HEATR5A: variants seen among roughly 807,000 people sequenced by gnomAD.
The protein encoded by HEATR5A is HEAT repeat-containing protein 5A.
Under a neutral mutation model 218.8 loss-of-function variants are expected in HEATR5A, and 178 were observed. That is an observed-to-expected ratio of 0.81 (90% CI 0.72 to 0.92). The LOEUF (loss-of-function observed/expected upper bound fraction) is 0.92, where lower values mean the gene tolerates loss of function less well. Ranked by LOEUF, HEATR5A falls within the 40% of genes least tolerant of loss-of-function variation. HEATR5A has a pLI of 0.00. For synonymous variants in HEATR5A, 864 were observed against 871.6 expected (o/e 0.99, Z 0.15); for missense variants, 2,420 against 2,418.9 (o/e 1.00, Z -0.01).
chr14:31,365,365 T>C (rs1312897460), intron 13 of HEATR5A, among the ~76,000 whole-genome samples: 1 of 152,138 alleles, frequency 6.6e-6, no homozygotes, highest in Non-Finnish European at 1.5e-5. Flanking sequence ...TTTTGTTTTG[T>C]TATTTTGCTT....
chr14:31,300,702 C>T (rs1227596978), intron 33 of HEATR5A, among the ~76,000 whole-genome samples: 1 of 152,184 alleles, frequency 6.6e-6, no homozygotes, highest in Non-Finnish European at 1.5e-5. Flanking sequence ...GCTCCTCAGA[C>T]AGATTTACTG....
rs894204076 is a variant in HEATR5A at position 31,326,275 on chromosome 14, C to G, written c.3435G>C (p.Glu1145Asp). The change falls in exon 23 of 36, where the codon GAG becomes GAC. Residue 1145 changes from glutamate (E) to aspartate (D), a missense_variant. Glu to Asp is a conservative substitution (Grantham distance 45). Coordinates refer to ENST00000543095, the MANE Select transcript of HEATR5A (RefSeq NM_015473.4). ...LLILLDKETD[E>D]RLCHDIKETL... ...TCTCTTTGATATCATGGCATAATCTCTCATCTGTCTCCTTGTCTAGTAAGA... is the reference window on the plus strand; with the variant it reads ...TCTCTTTGATATCATGGCATAATCTGTCATCTGTCTCCTTGTCTAGTAAGA... The G allele has an allele frequency of 6.2e-7, 1 of 1,613,248 alleles. No homozygotes were observed. The highest frequency in any genetic ancestry group is 1.1e-5 in the South Asian group (1 of 91,056).
chr14:31,293,692 C>A, intron 35 of HEATR5A, 80 bp from the exon 36 acceptor site: 1 of 1,298,896 alleles, frequency 7.7e-7, no homozygotes, highest in South Asian at 1.5e-5. Flanking sequence ...GATCTGTATA[C>A]ATTTTTCCCC....
Position 31,343,973 on chromosome 14 carries a change from C to T in HEATR5A, c.3151G>A (p.Ala1051Thr), listed in dbSNP as rs773293828. 17 of 1,611,518 alleles carry T rather than the reference C, an allele frequency of 1.1e-5. No homozygotes were observed. The highest frequency in any genetic ancestry group is 1.7e-5 in the Admixed American group (1 of 59,442). Reference protein sequence around the residue: ...DNPDCLVQAQAISCLQQLHMF... With the variant: ...DNPDCLVQAQTISCLQQLHMF... ...TGAAGCTGCTGAAGGCAAGAGATGGCCTGAGCTTGAACAAGGCAGTCTGGG... is the reference window on the plus strand; with the variant it reads ...TGAAGCTGCTGAAGGCAAGAGATGGTCTGAGCTTGAACAAGGCAGTCTGGG... Residue 1051 changes from alanine to threonine, a missense_variant, in exon 21 of 36, where the codon GCC becomes ACC. Ala to Thr is a moderately conservative substitution (Grantham distance 58). Coordinates refer to ENST00000543095, the MANE Select transcript of HEATR5A (RefSeq NM_015473.4).
intron 21 of HEATR5A, among the ~76,000 whole-genome samples, chr14:31,341,722 T>G (rs984710995): frequency 3.9e-5 from 6 of 152,252 alleles, no homozygotes; most frequent in South Asian, 2.1e-4. Flanking sequence ...TCATCATGAA[T>G]TAATGGGTTA....
intron 23 of HEATR5A, among the ~76,000 whole-genome samples, chr14:31,324,852 A>G (rs1429866968): frequency 2.0e-5 from 3 of 152,192 alleles, no homozygotes; most frequent in African/African-American, 7.2e-5. Context: ...TGTAAAGCGT[A>G]ATAGTTGAAA....
chr14:31,321,517 C>T lies in HEATR5A; in HGVS notation c.3951G>A (p.Leu1317=), dbSNP rs767774780. 3 of 1,596,816 alleles carry T rather than the reference C, an allele frequency of 1.9e-6. 1 individual carries two copies. The South Asian group carries it at 3.4e-5, about 18-fold the overall frequency. The change falls in exon 25 of 36, where the codon CTG becomes CTA. Residue 1317 remains leucine (L), a synonymous_variant. Coordinates refer to ENST00000543095, the MANE Select transcript of HEATR5A (RefSeq NM_015473.4). The part of the protein sequence containing the change: ...PEPEFPGHVI[L]EQYQANVGAA... ...TGCTTACATTGGCTTGATACTGTTC[C>T]AGAATCACATGACCTGGAAACTCTG...
chr14:31,319,278 G>T (rs1900011823), intron 25 of HEATR5A, among the ~76,000 whole-genome samples: 1 of 151,838 alleles, frequency 6.6e-6, no homozygotes, highest in African/African-American at 2.4e-5. Flanking sequence ...TCAGCCTCCG[G>T]AGTAGCTGGG....
chr14:31,296,799 A>G (rs1374495985), intron 33 of HEATR5A: 1 of 152,244 alleles, frequency 6.6e-6, no homozygotes, highest in African/African-American at 2.4e-5. Flanking sequence ...TCAAATATTT[A>G]AATTGTTTAA....
chr14:31,357,215 G>T (rs1901454957), intron 16 of HEATR5A, among the ~76,000 whole-genome samples: 1 of 152,136 alleles, frequency 6.6e-6, no homozygotes, highest in South Asian at 2.1e-4. Context: ...ACTGAAGCTA[G>T]TAAAAATCAA....
chr14:31,417,329 G>A (rs2031484553), intron 1 of HEATR5A, among the ~76,000 whole-genome samples: 1 of 152,188 alleles, frequency 6.6e-6, no homozygotes, highest in Non-Finnish European at 1.5e-5. Context: ...GGAGGCCGAG[G>A]TACGCGGATC....
intron 11 of HEATR5A, among the ~76,000 whole-genome samples, chr14:31,378,140 G>A (rs2056591814): frequency 6.6e-6 from 1 of 152,184 alleles, no homozygotes; most frequent in Admixed American, 6.5e-5. Flanking sequence ...ACTGTGAAAT[G>A]ATGATCTATG....
chr14:31,358,327 G>GA (rs1314063042), intron 16 of HEATR5A, among the ~76,000 whole-genome samples: 2 of 152,106 alleles, frequency 1.3e-5, no homozygotes, highest in East Asian at 3.8e-4. Flanking sequence ...CCTAGTCTAA[G>GA]AAAAAACCTA....
chr14:31,343,749 C>T, intron 21 of HEATR5A, 147 bp downstream of exon 21: 1 of 551,432 alleles, frequency 1.8e-6, no homozygotes, highest in Admixed American at 3.9e-5. Flanking sequence ...CCCCCTACTC[C>T]CGAAAAAGAC....
chr14:31,404,876 T>A (rs779738031), intron 1 of HEATR5A, among the ~76,000 whole-genome samples: 48 of 151,076 alleles, frequency 3.2e-4, no homozygotes, highest in Non-Finnish European at 6.5e-4. Context: ...ACCACACCAC[T>A]GCATTCCAGC....
chr14:31,311,642 CAT>C (rs1452003445), intron 28 of HEATR5A, among the ~76,000 whole-genome samples: 1 of 151,868 alleles, frequency 6.6e-6, no homozygotes, highest in Admixed American at 6.6e-5. Flanking sequence ...ACTTACAAGA[CAT>C]GCAACCACAA....
At chr14:31,374,496 T>C (rs1040164759) in intron 12 of HEATR5A, among the ~76,000 whole-genome samples, 1 of 152,094 alleles carries the variant, frequency 6.6e-6, no homozygotes, top group African/African-American at 2.4e-5. Context: ...AAACGATTCT[T>C]AATGGTAATT....
At position 31,380,530 on chromosome 14, in the gene HEATR5A, T is replaced by A; in HGVS notation, c.1645A>T (p.Ser549Cys). The change falls in exon 11 of 36, where the codon AGT (serine) becomes TGT (cysteine). Residue 549 changes from serine (S) to cysteine (C), a missense_variant. Transcript: ENST00000543095. ...EDLLCSAAQN[S>C]RLSAQRTQAG... ...TGTGTGCGCTGAGCTGAAAGGCGAC[T>A]GTTTTGAGCAGCAGAACACAGCAAA... 3 of 1,608,226 alleles carry A rather than the reference T, an allele frequency of 1.9e-6. No individual in the cohort carries two copies. Among genetic ancestry groups the A allele is most frequent in the Non-Finnish European group, 8.5e-7 (1 of 1,177,216 alleles).
chr14:31,394,127 CAT>C lies in HEATR5A; in HGVS notation c.695_696del (p.Tyr232Ter). 1 of 1,535,416 alleles carries C rather than the reference CAT, an allele frequency of 6.5e-7. No individual in the cohort carries two copies. The highest frequency in any genetic ancestry group is 8.7e-7 in the Non-Finnish European group (1 of 1,146,176). ...LCFKSFEGSN[Y>X]DVRISVSKLL... ...AACTTTGAAACAGAAATCCGCACAT[CAT>C]AATTGGAACCTTCAAAGGACTTAAA... On this transcript the variant is annotated frameshift_variant, in exon 6 of 36. Transcript: ENST00000543095. LOFTEE classifies it high-confidence loss of function.
Sources: allele counts gnomAD v4.1 joint callset (sites outside exome capture counted in the v4.1 genomes callset), GRCh38; gene constraint gnomAD v4.1.1; transcripts MANE v1.5; gene names NCBI Gene and HGNC (gene_info 2026-07-23, HGNC 2026-07-21).